Variants in MACROD2 observed in about 807,000 individuals in gnomAD.
MACROD2 encodes mono-ADP ribosylhydrolase 2.
Under a neutral mutation model 70.4 loss-of-function variants are expected in MACROD2, and 36 were observed. The ratio of observed to expected loss-of-function variants is 0.51; its 90% confidence interval spans 0.39 to 0.68. The LOEUF (loss-of-function observed/expected upper bound fraction) is 0.68, where lower values mean the gene tolerates loss of function less well. Among genes scored for constraint, MACROD2 ranks in the 30% least tolerant of loss-of-function variants. The pLI, the probability that MACROD2 is intolerant of heterozygous loss-of-function variation, is 0.00. For synonymous variants in MACROD2, 172 were observed against 178.8 expected, an observed-to-expected ratio of 0.96 and a Z score of 0.30; for missense variants, 496 against 538.4, an observed-to-expected ratio of 0.92 and a Z score of 0.78.
chr20:16,047,504 C>T (rs1382243928), intron 17 of MACROD2, among the ~76,000 whole-genome samples: 1 of 152,112 alleles, frequency 6.6e-6, no homozygotes, highest in Non-Finnish European at 1.5e-5. Context: ...AGTGTGGCTT[C>T]TAGGTTGAGC....
At chr20:14,721,658 A>G (rs1736400356) in intron 5 of MACROD2, among the ~76,000 whole-genome samples, 1 of 152,170 alleles carries the variant, frequency 6.6e-6, no homozygotes, top group Non-Finnish European at 1.5e-5. Context: ...CTTTCTTCAT[A>G]GGTTTCTTCT....
At position 15,912,644 on chromosome 20, in the gene MACROD2, T is replaced by G. The variant is rs2065253979; in HGVS notation, c.776-20632T>G. On this transcript the variant is annotated intron_variant, in intron 10 of 17. Transcript: ENST00000684519. The stretch of plus-strand genomic sequence containing the variant: ...CTTCATTGACCACAAAAGTTGGTTA[T>G]CGGTGAAACATGATGAAAACATCAC... Among the ~76,000 whole-genome samples the G allele has an allele frequency of 2.0e-5, 3 of 152,200 alleles. No homozygotes were observed. In the South Asian group the frequency reaches 6.2e-4, roughly 32 times the overall value.
At chr20:14,603,839 G>A (rs539752861) in intron 4 of MACROD2, among the ~76,000 whole-genome samples, 130 of 152,170 alleles carry the variant, frequency 8.5e-4, no homozygotes, top group African/African-American at 2.9e-3. Context: ...ACCAATCTGG[G>A]TATTATTCTT....
chr20:14,873,933 A>T (rs2073519099), intron 5 of MACROD2, among the ~76,000 whole-genome samples: 1 of 152,156 alleles, frequency 6.6e-6, no homozygotes, highest in South Asian at 2.1e-4. Context: ...ACATTGATTG[A>T]TGTTGGTACT....
chr20:15,816,521 C>T (rs1198175457), intron 8 of MACROD2, among the ~76,000 whole-genome samples: 5 of 152,114 alleles, frequency 3.3e-5, no homozygotes, highest in African/African-American at 9.7e-5. Flanking sequence ...TAGCAATACA[C>T]GTTGCAGTCA....
chr20:16,041,239 G>A lies in MACROD2; in HGVS notation c.1192G>A (p.Glu398Lys), dbSNP rs774289732. 2.5e-5 allele frequency: 40 copies of A among 1,612,106 alleles called. No homozygotes were observed. The highest frequency in any genetic ancestry group is 3.2e-5 in the Non-Finnish European group (38 of 1,179,018). ...CACACCTAGGATGCCTGGGAAAAGT[G>A]AAGGCTCCAGTGACCTAGAAAATAC... ...EDTPRMPGKS[E>K]GSSDLENTPG... The change falls in exon 16 of 18, where the codon GAA (glutamate) becomes AAA (lysine). Residue 398 changes from glutamate (E) to lysine (K), a missense_variant. Transcript: ENST00000684519.
In MACROD2 at chr20:13,998,828, G is replaced by A. The variant is rs1340879150; in HGVS notation, c.46+3019G>A. Among the ~76,000 whole-genome samples, 5 of 151,942 alleles carry A rather than the reference G, an allele frequency of 3.3e-5. No individual in the cohort carries two copies. The East Asian group carries it at 5.8e-4, about 18-fold the overall frequency. ...AAATTAGCCGGTCGTGGTGGCACAC[G>A]CCTGTAATCCCAGCTACTCGGGAGG... On this transcript the variant is annotated intron_variant, in intron 1 of 17. Transcript: ENST00000684519.
intron 3 of MACROD2, among the ~76,000 whole-genome samples, chr20:14,201,837 CAA>C (rs1048150695): frequency 1.1e-4 from 8 of 71,188 alleles, no homozygotes; most frequent in Admixed American, 1.6e-4. Context: ...GATTCCATCT[CAA>C]AAAAAAAAAA....
chr20:14,208,512 C>T (rs2081544394), intron 3 of MACROD2, among the ~76,000 whole-genome samples: 1 of 152,064 alleles, frequency 6.6e-6, no homozygotes, highest in Admixed American at 6.5e-5. Context: ...CCCAAGAGTT[C>T]AGAACAGATT....
intron 8 of MACROD2, among the ~76,000 whole-genome samples, chr20:15,844,582 A>T (rs375539326): frequency 1.1e-3 from 171 of 152,262 alleles, no homozygotes; most frequent in African/African-American, 3.9e-3. Flanking sequence ...TTTGTAAGTA[A>T]GCTCCCAGAC....
At chr20:14,104,687 T>C (rs1169928190) in intron 3 of MACROD2, among the ~76,000 whole-genome samples, 1 of 152,196 alleles carries the variant, frequency 6.6e-6, no homozygotes, top group Non-Finnish European at 1.5e-5. Flanking sequence ...TGGTGACGTA[T>C]AAGCCAGAGC....
intron 5 of MACROD2, among the ~76,000 whole-genome samples, chr20:15,146,805 C>T (rs2076233390): frequency 1.3e-5 from 2 of 152,094 alleles, no homozygotes; most frequent in South Asian, 4.1e-4. Flanking sequence ...CAAGATGAGG[C>T]ATTCTGAGAT....
chr20:15,496,254 C>T (rs2047296487), intron 7 of MACROD2, among the ~76,000 whole-genome samples: 1 of 152,208 alleles, frequency 6.6e-6, no homozygotes, highest in Non-Finnish European at 1.5e-5. Context: ...CTGTTTAAAT[C>T]AGTAACTTTG....
chr20:14,523,504 A>G (rs1256002979), intron 4 of MACROD2: 2 of 152,176 alleles, frequency 1.3e-5, no homozygotes, highest in Non-Finnish European at 2.9e-5. Context: ...TCTCCTCCCC[A>G]GGAGATTGGG....
chr20:15,295,698 C>CA lies in MACROD2; in HGVS notation c.540+65638dup, dbSNP rs1271480288. Among the ~76,000 whole-genome samples, 3 of 152,070 alleles carry CA rather than the reference C, an allele frequency of 2.0e-5. 1 individual carries two copies. Among genetic ancestry groups the CA allele is most frequent in the South Asian group, 4.2e-4 (2 of 4,816 alleles). ...TATAAAGTACTTTAGCCACCACTCA[C>CA]ACCCCCCAACTCACCAATCCTCCAG... On this transcript the variant is annotated intron_variant, in intron 6 of 17. Coordinates refer to ENST00000684519, the MANE Select transcript of MACROD2 (RefSeq NM_001351661.2).
At chr20:14,132,870 G>A (rs2054736683) in intron 3 of MACROD2, among the ~76,000 whole-genome samples, 1 of 152,110 alleles carries the variant, frequency 6.6e-6, no homozygotes, top group Non-Finnish European at 1.5e-5. Context: ...CGAACTCCTG[G>A]TTTCAAGTGA....
chr20:14,201,188 G>C (rs1477201798), intron 3 of MACROD2, among the ~76,000 whole-genome samples: 1 of 151,988 alleles, frequency 6.6e-6, no homozygotes, highest in Non-Finnish European at 1.5e-5. Flanking sequence ...CATCAGTTAT[G>C]TATCAGAATT....
At chr20:14,922,881 A>G (rs1230395941) in intron 5 of MACROD2, among the ~76,000 whole-genome samples, 1 of 152,214 alleles carries the variant, frequency 6.6e-6, no homozygotes, top group African/African-American at 2.4e-5. Context: ...ATGGTTCAGG[A>G]ACATTATTTT....
At chr20:14,709,825 T>C (rs2071316520) in intron 5 of MACROD2, among the ~76,000 whole-genome samples, 1 of 152,218 alleles carries the variant, frequency 6.6e-6, no homozygotes, top group South Asian at 2.1e-4. Context: ...ATTCTTCAAT[T>C]TGTTAAATTG....
Sources: gnomAD v4.1 joint callset for allele counts (sites outside exome capture counted in the v4.1 genomes callset) on GRCh38, gnomAD v4.1.1 for gene constraint, MANE v1.5 for transcripts, NCBI Gene and HGNC (gene_info 2026-07-23, HGNC 2026-07-21) for gene names.